Variants in GABRA4 observed in about 807,000 individuals in gnomAD.
The protein encoded by GABRA4 is gamma-aminobutyric acid type A receptor subunit alpha4.
In GABRA4, 12 loss-of-function variants were observed where a neutral mutation model predicts 49.7. The observed-to-expected ratio is 0.24, with a 90% CI of 0.15 to 0.39. The LOEUF (loss-of-function observed/expected upper bound fraction) is 0.39, where lower values mean the gene tolerates loss of function less well. GABRA4 is among the 10% of genes least tolerant of loss of function. The probability of loss-of-function intolerance (pLI) is 1.00; values close to 1 mark genes in which losing one functional copy is unlikely to be tolerated. For missense variants in GABRA4, 506 were observed against 686.0 expected, an observed-to-expected ratio of 0.74 and a Z score of 2.93; for synonymous variants, 288 against 240.2, an observed-to-expected ratio of 1.20 and a Z score of -1.84.
chr4:46,951,490 C>T (rs1024931177), intron 8 of GABRA4, among the ~76,000 whole-genome samples: 8 of 151,766 alleles, frequency 5.3e-5, no homozygotes, highest in Admixed American at 3.3e-4. Flanking sequence ...TAGCTTGTTA[C>T]GCTGGAGATA....
At chr4:46,954,556 CA>C (rs60422399) in intron 8 of GABRA4, among the ~76,000 whole-genome samples, 901 of 88,768 alleles carry the variant, frequency 0.01, 9 homozygotes, top group East Asian at 0.062. Context: ...AAACGCCATC[CA>C]AAAAAAAAAA....
chr4:46,980,373 CAAA>C (rs35377347), intron 2 of GABRA4, among the ~76,000 whole-genome samples: 213 of 127,218 alleles, frequency 1.7e-3, no homozygotes, highest in African/African-American at 5.3e-3. Flanking sequence ...CGATTTATGC[CAAA>C]AAAAAAAAAA....
chr4:46,964,180 G>C (rs1416567697), intron 8 of GABRA4, among the ~76,000 whole-genome samples: 1 of 151,828 alleles, frequency 6.6e-6, no homozygotes, highest in Non-Finnish European at 1.5e-5. Context: ...AACCTTGCAT[G>C]TTCTCACTTA....
chr4:46,932,940 C>A (rs1413851887), intron 8 of GABRA4, among the ~76,000 whole-genome samples: 1 of 151,956 alleles, frequency 6.6e-6, no homozygotes, highest in African/African-American at 2.4e-5. Flanking sequence ...CTGATGATAT[C>A]TACTATTGGA....
intron 8 of GABRA4, among the ~76,000 whole-genome samples, chr4:46,944,760 C>G (rs565391016): frequency 1.3e-4 from 20 of 152,132 alleles, no homozygotes; most frequent in Admixed American, 3.3e-4. Flanking sequence ...AATCTTACAC[C>G]ATATAAACTC....
intron 3 of GABRA4, 23 bp downstream of exon 3, chr4:46,979,008 C>T: frequency 1.3e-6 from 2 of 1,519,394 alleles, no homozygotes; most frequent in Non-Finnish European, 1.8e-6. Flanking sequence ...TCAAAAGGTA[C>T]ATTAAACTTC....
Position 46,956,131 on chromosome 4 carries a change from C to A in GABRA4, c.1134+8839G>T, listed in dbSNP as rs570465514. 5.3e-5 allele frequency among the ~76,000 whole-genome samples: 8 copies of A among 152,170 alleles called. No individual in the cohort carries two copies. In the South Asian group the frequency reaches 1.5e-3, roughly 28 times the overall value. ...AGTAATTGTGCATTAAACAATCACT[C>A]ATTGCCTAAAGAGCATTACTAATTA... On this transcript the variant is annotated intron_variant, in intron 8 of 8. Coordinates refer to ENST00000264318, the MANE Select transcript of GABRA4 (RefSeq NM_000809.4).
In GABRA4 at chr4:46,923,216, C is replaced by T. The variant is rs1186791311; in HGVS notation, c.*5009G>A. 1.3e-5 allele frequency: 2 copies of T among 151,762 alleles called. No individual in the cohort carries two copies. The highest frequency in any genetic ancestry group is 6.6e-5 in the Admixed American group (1 of 15,220). The allele number at this position is 151,762 out of a possible 1,614,324, so 9.4% of individuals were successfully genotyped here. A position where few individuals can be genotyped will look rare whatever the true frequency, so the allele number is the denominator to read the frequency against. ...CTTAGACAAAATTGCAGAAAATTTT[C>T]CTGAAATAAAGATTGAAACCTGGGA... On this transcript the variant is annotated 3_prime_UTR_variant, in exon 9 of 9. Coordinates refer to ENST00000264318, the MANE Select transcript of GABRA4 (RefSeq NM_000809.4).
intron 8 of GABRA4, among the ~76,000 whole-genome samples, chr4:46,936,728 C>A (rs1331623692): frequency 6.6e-6 from 1 of 152,140 alleles, no homozygotes; most frequent in Non-Finnish European, 1.5e-5. Flanking sequence ...CACTGGCAAC[C>A]CAGTTTGGCT....
chr4:46,919,886 A>T lies in GABRA4; in HGVS notation c.*8339T>A, dbSNP rs1332473852. On this transcript the variant is annotated 3_prime_UTR_variant, in exon 9 of 9. Transcript: ENST00000264318. The stretch of plus-strand genomic sequence containing the variant: ...TATCGCATAGATACACCTTTGCATG[A>T]AAACCGGATTCTCATTCAATTTACA... The T allele has an allele frequency of 6.6e-6, 1 of 151,708 alleles. No individual in the cohort carries two copies. The highest frequency in any genetic ancestry group is 1.5e-5 in the Non-Finnish European group (1 of 67,666). The allele number at this position is 151,708 out of a possible 1,614,324, so 9.4% of individuals were successfully genotyped here. A position where few individuals can be genotyped will look rare whatever the true frequency, so the allele number is the denominator to read the frequency against.
chr4:46,974,467 G>C (rs1353685641), intron 5 of GABRA4, 92 bp from the exon 6 acceptor site: 2 of 1,193,816 alleles, frequency 1.7e-6, no homozygotes, highest in Non-Finnish European at 2.3e-6. Context: ...GTTCAAGAAA[G>C]ATGGAATAAA....
At chr4:46,939,673 C>T (rs1052753234) in intron 8 of GABRA4, among the ~76,000 whole-genome samples, 1 of 151,810 alleles carries the variant, frequency 6.6e-6, no homozygotes, top group Admixed American at 6.6e-5. Context: ...GAAATTTGTC[C>T]ACAATAACCC....
At chr4:46,954,048 G>T (rs1553903899) in intron 8 of GABRA4, among the ~76,000 whole-genome samples, 1 of 152,062 alleles carries the variant, frequency 6.6e-6, no homozygotes, top group Non-Finnish European at 1.5e-5. Flanking sequence ...TGCTGTGAAG[G>T]CTATATGAAT....
chr4:46,983,398 T>C (rs886593697), intron 2 of GABRA4, among the ~76,000 whole-genome samples: 2 of 152,120 alleles, frequency 1.3e-5, no homozygotes, highest in African/African-American at 4.8e-5. Flanking sequence ...ATCTTAATCC[T>C]TTTTGAAGTC....
chr4:46,942,436 A>G (rs1206251518), intron 8 of GABRA4, among the ~76,000 whole-genome samples: 1 of 152,052 alleles, frequency 6.6e-6, no homozygotes, highest in Non-Finnish European at 1.5e-5. Context: ...TCTAGCCAAC[A>G]CAGTGAAACC....
At chr4:46,964,814 A>G (rs543078914) in intron 8 of GABRA4, among the ~76,000 whole-genome samples, 156 bp downstream of exon 8, 1 of 151,916 alleles carries the variant, frequency 6.6e-6, no homozygotes, top group Non-Finnish European at 1.5e-5. Flanking sequence ...ACCAACATAA[A>G]GTTTAAGCTC....
chr4:46,930,745 G>T (rs920794011), intron 8 of GABRA4, among the ~76,000 whole-genome samples: 5 of 151,474 alleles, frequency 3.3e-5, no homozygotes, highest in African/African-American at 1.2e-4. Flanking sequence ...AAATTCTAAG[G>T]ACTGGAGACT....
intron 5 of GABRA4, among the ~76,000 whole-genome samples, chr4:46,974,844 C>T (rs1328226602): frequency 6.6e-6 from 1 of 151,922 alleles, no homozygotes; most frequent in African/African-American, 2.4e-5. Context: ...ACAAATCCTA[C>T]TGTTAGGAGA....
rs980044381 is a variant in GABRA4, at chr4:46,958,622, A to C, written c.1134+6348T>G. Among the ~76,000 whole-genome samples the C allele has an allele frequency of 5.3e-5, 8 of 152,078 alleles. 2 individuals carry two copies. Among genetic ancestry groups the C allele is most frequent in the Admixed American group, 1.3e-4 (2 of 15,234 alleles). ...GGGACAAATGCAGCATCAAGGTAAT[A>C]ATCAGCAGAAACAGAACAGCTGGTT... On this transcript the variant is annotated intron_variant, in intron 8 of 8. Transcript: ENST00000264318.
Sources: allele counts gnomAD v4.1 joint callset (sites outside exome capture counted in the v4.1 genomes callset), GRCh38; gene constraint gnomAD v4.1.1; transcripts MANE v1.5; gene names NCBI Gene and HGNC (gene_info 2026-07-23, HGNC 2026-07-21).